ADAMTSL1: variants seen among roughly 807,000 people sequenced by gnomAD.
The protein encoded by ADAMTSL1 is ADAMTS-like protein 1.
A neutral mutation model predicts 201.8 loss-of-function variants in ADAMTSL1; 126 were observed. That is an observed-to-expected ratio of 0.62 (90% CI 0.54 to 0.72). The LOEUF is 0.72. Ranked by LOEUF, ADAMTSL1 falls within the 30% of genes least tolerant of loss-of-function variation. The pLI is 0.00. For missense variants in ADAMTSL1, 2,679 were observed against 2,277.8 expected (o/e 1.18, Z -3.59); for synonymous variants, 1,121 against 903.4 (o/e 1.24, Z -4.32).
At chr9:18,657,876 AAC>A in intron 8 of ADAMTSL1, 126 bp downstream of exon 8, 1 of 731,536 alleles carries the variant, frequency 1.4e-6, no homozygotes, top group Admixed American at 2.3e-5. Flanking sequence ...CTTTCTTCTG[AAC>A]AGAGTGGAAT....
intron 11 of ADAMTSL1, 63 bp downstream of exon 11, chr9:18,680,579 T>C: frequency 6.4e-7 from 1 of 1,571,574 alleles, no homozygotes; most frequent in Non-Finnish European, 8.7e-7. Flanking sequence ...CTCATCATCA[T>C]GGCCCCACCG....
intron 2 of ADAMTSL1, among the ~76,000 whole-genome samples, chr9:18,464,273 A>C (rs775221332): frequency 3.9e-5 from 6 of 152,232 alleles, no homozygotes; most frequent in Non-Finnish European, 7.3e-5. Flanking sequence ...TCTATAATAC[A>C]ACCCCTCTCC....
At chr9:18,527,982 A>G (rs1270849419) in intron 2 of ADAMTSL1, among the ~76,000 whole-genome samples, 1 of 152,090 alleles carries the variant, frequency 6.6e-6, no homozygotes, top group East Asian at 1.9e-4. Context: ...GGTTCCAGTG[A>G]TTCTCCTGCC....
chr9:18,625,249 T>C (rs1386472203), intron 5 of ADAMTSL1, among the ~76,000 whole-genome samples: 1 of 150,406 alleles, frequency 6.6e-6, no homozygotes, highest in African/African-American at 2.5e-5. Flanking sequence ...TTGAACTCAC[T>C]TTCTTTCTGA....
intron 1 of ADAMTSL1, among the ~76,000 whole-genome samples, chr9:17,953,806 A>C (rs1827825766): frequency 6.6e-6 from 1 of 152,180 alleles, no homozygotes; most frequent in African/African-American, 2.4e-5. Flanking sequence ...TTAAACAGCT[A>C]ATTTTTTATG....
chr9:18,501,495 C>T (rs545842653), intron 1 of ADAMTSL1, among the ~76,000 whole-genome samples: 2 of 107,056 alleles, frequency 1.9e-5, no homozygotes, highest in East Asian at 5.2e-4. Flanking sequence ...CAAAGTAAGA[C>T]ACGGTCTCAA....
At chr9:18,613,365 T>C (rs1587707875) in intron 4 of ADAMTSL1, among the ~76,000 whole-genome samples, 3 of 152,348 alleles carry the variant, frequency 2.0e-5, no homozygotes, top group African/African-American at 4.8e-5. Context: ...TTCCTGGGTA[T>C]ATACCCAAAG....
intron 2 of ADAMTSL1, among the ~76,000 whole-genome samples, chr9:18,380,306 A>C (rs1837500644): frequency 6.6e-6 from 1 of 152,210 alleles, no homozygotes; most frequent in Non-Finnish European, 1.5e-5. Context: ...GAAGATTTAG[A>C]ATGAATGCAC....
chr9:18,549,795 T>A (rs1820687445), intron 3 of ADAMTSL1, among the ~76,000 whole-genome samples: 1 of 151,854 alleles, frequency 6.6e-6, no homozygotes, highest in Non-Finnish European at 1.5e-5. Context: ...GACCAACGAG[T>A]CTATGTGCCC....
intron 2 of ADAMTSL1, among the ~76,000 whole-genome samples, chr9:18,339,558 G>C (rs745953845): frequency 2.0e-5 from 3 of 152,108 alleles, no homozygotes; most frequent in Non-Finnish European, 4.4e-5. Context: ...ATTTCTCAAA[G>C]AATTTAAAAC....
intron 16 of ADAMTSL1, among the ~76,000 whole-genome samples, chr9:18,755,129 C>T (rs558060048): frequency 6.6e-6 from 1 of 152,304 alleles, no homozygotes; most frequent in Non-Finnish European, 1.5e-5. Context: ...TTTTGTTTTA[C>T]AGATGATGTA....
chr9:18,508,183 CA>C (rs940673737), intron 2 of ADAMTSL1, among the ~76,000 whole-genome samples: 5 of 128,064 alleles, frequency 3.9e-5, no homozygotes, highest in Non-Finnish European at 1.7e-5. Context: ...AACTCCGTCT[CA>C]AAAAAAAAAG....
chr9:18,079,592 G>T (rs750260761), intron 1 of ADAMTSL1, among the ~76,000 whole-genome samples: 26 of 152,054 alleles, frequency 1.7e-4, no homozygotes, highest in Non-Finnish European at 3.5e-4. Flanking sequence ...TGAGGCAGGA[G>T]AATGGCGTTA....
At chr9:18,383,686 A>C (rs1837660340) in intron 2 of ADAMTSL1, among the ~76,000 whole-genome samples, 1 of 152,156 alleles carries the variant, frequency 6.6e-6, no homozygotes, top group South Asian at 2.1e-4. Flanking sequence ...TTGCCACAGC[A>C]AGACTATTTT....
chr9:18,385,840 G>C (rs1237022757), intron 2 of ADAMTSL1, among the ~76,000 whole-genome samples: 36 of 152,128 alleles, frequency 2.4e-4, no homozygotes, highest in Non-Finnish European at 2.9e-5. Context: ...AGCAACACAT[G>C]GTGCAGGAAA....
At chr9:18,287,652 T>TAG (rs368548128) in intron 2 of ADAMTSL1, among the ~76,000 whole-genome samples, 23 of 143,574 alleles carry the variant, frequency 1.6e-4, no homozygotes, top group East Asian at 2.2e-4. Context: ...TGTGTATACA[T>TAG]ATACACATAT....
At chr9:18,626,832 A>C (rs10963678) in intron 5 of ADAMTSL1, among the ~76,000 whole-genome samples, 1 of 128,474 alleles carries the variant, frequency 7.8e-6, no homozygotes, top group African/African-American at 2.8e-5. Flanking sequence ...TTTCTTTCTT[A>C]CTTTCTTTTT....
intron 1 of ADAMTSL1, among the ~76,000 whole-genome samples, chr9:18,494,131 TG>T (rs1193812054): frequency 5.9e-5 from 9 of 151,732 alleles, no homozygotes; most frequent in Non-Finnish European, 1.3e-4. Context: ...CAGAAACGGG[TG>T]GATCACCTGA....
At chr9:18,805,334 A>T (rs1823041724) in intron 20 of ADAMTSL1, among the ~76,000 whole-genome samples, 1 of 152,202 alleles carries the variant, frequency 6.6e-6, no homozygotes, top group Non-Finnish European at 1.5e-5. Flanking sequence ...TTTCTAACAA[A>T]TGTATTACCT....
Sources: gnomAD v4.1 joint callset for allele counts (sites outside exome capture counted in the v4.1 genomes callset) on GRCh38, gnomAD v4.1.1 for gene constraint, MANE v1.5 for transcripts, NCBI Gene and HGNC (gene_info 2026-07-23, HGNC 2026-07-21) for gene names.